MRPS28: variants seen among roughly 807,000 people sequenced by gnomAD.
MRPS28 encodes mitochondrial ribosomal protein S28, also known as small ribosomal subunit protein bS1m.
In MRPS28, 7 loss-of-function variants were observed where a neutral mutation model predicts 10.8. The ratio of observed to expected loss-of-function variants is 0.65; its 90% CI spans 0.37 to 1.22. The LOEUF (loss-of-function observed/expected upper bound fraction) is 1.22, where lower values mean the gene tolerates loss of function less well. Among genes scored for constraint, MRPS28 ranks in the 50% most tolerant of loss-of-function variants. MRPS28 has a pLI of 0.02. For missense variants in MRPS28, 265 were observed against 232.9 expected (o/e 1.14, Z -0.90); for synonymous variants, 121 against 93.3 (o/e 1.30, Z -1.71).
chr8:80,014,054 A>G (rs1445887693), intron 1 of MRPS28, among the ~76,000 whole-genome samples: 2 of 152,184 alleles, frequency 1.3e-5, no homozygotes, highest in Non-Finnish European at 2.9e-5. Context: ...GAAGAGTGAT[A>G]ATTAATGAAG....
At chr8:80,011,781 C>T (rs1342590517) in intron 1 of MRPS28, among the ~76,000 whole-genome samples, 2 of 151,816 alleles carry the variant, frequency 1.3e-5, no homozygotes, top group African/African-American at 4.8e-5. Context: ...AAACAAAAAA[C>T]AAAACAAAAC....
At chr8:79,981,714 T>C (rs1214402296) in intron 2 of MRPS28, among the ~76,000 whole-genome samples, 1 of 152,208 alleles carries the variant, frequency 6.6e-6, no homozygotes, top group Non-Finnish European at 1.5e-5. Flanking sequence ...GAAAGAGGTA[T>C]AGCATAACAA....
chr8:79,947,120 AAC>A (rs1473967657), intron 2 of MRPS28, among the ~76,000 whole-genome samples: 1 of 152,210 alleles, frequency 6.6e-6, no homozygotes, highest in East Asian at 1.9e-4. Context: ...ACAAAAATCC[AAC>A]AGTCTTTATA....
chr8:80,018,217 C>T (rs114758759), intron 1 of MRPS28, among the ~76,000 whole-genome samples: 2,464 of 134,144 alleles, frequency 0.018, 67 homozygotes, highest in African/African-American at 0.066. Flanking sequence ...GGCATGAACC[C>T]GGAAGGAGGC....
intron 1 of MRPS28, among the ~76,000 whole-genome samples, chr8:80,011,557 C>A (rs1182103793): frequency 6.6e-6 from 1 of 152,008 alleles, no homozygotes; most frequent in Non-Finnish European, 1.5e-5. Context: ...AGTTCAAGAC[C>A]AGCCTGGCCA....
chr8:79,926,864 C>G (rs1810246568), intron 2 of MRPS28, among the ~76,000 whole-genome samples: 1 of 152,166 alleles, frequency 6.6e-6, no homozygotes. Context: ...CAACCCAGAC[C>G]TGCTGCAGCA....
At chr8:80,005,128 A>G (rs1808794275) in intron 1 of MRPS28, among the ~76,000 whole-genome samples, 2 of 152,174 alleles carry the variant, frequency 1.3e-5, no homozygotes. Flanking sequence ...TTCAGGAAAT[A>G]CAGAGAACGC....
intron 2 of MRPS28, among the ~76,000 whole-genome samples, chr8:79,991,942 CTCTCTCTCTCTCTCTCTCA>C (rs1386869240): frequency 2.6e-5 from 2 of 78,394 alleles, no homozygotes; most frequent in Non-Finnish European, 3.4e-5. Flanking sequence ...CTCTCTCTCT[CTCTCTCTCTCTCTCTCTCA>C]TCACTTACTA....
chr8:80,006,393 C>A (rs1384571739), intron 1 of MRPS28, among the ~76,000 whole-genome samples: 2 of 151,776 alleles, frequency 1.3e-5, no homozygotes, highest in East Asian at 3.9e-4. Context: ...GGGTACATAA[C>A]AAAATGAACG....
intron 2 of MRPS28, among the ~76,000 whole-genome samples, chr8:79,959,573 T>C (rs1335964399): frequency 6.6e-6 from 1 of 152,122 alleles, no homozygotes; most frequent in African/African-American, 2.4e-5. Context: ...GTTTCCCTTA[T>C]CTGAAATATA....
At chr8:79,963,478 T>C (rs766783763) in intron 2 of MRPS28, among the ~76,000 whole-genome samples, 14 of 152,050 alleles carry the variant, frequency 9.2e-5, no homozygotes, top group Non-Finnish European at 1.5e-4. Context: ...TTAGATTTAA[T>C]AGGTTAGATG....
chr8:80,015,849 G>T (rs558501567), intron 1 of MRPS28, among the ~76,000 whole-genome samples: 3 of 151,588 alleles, frequency 2.0e-5, no homozygotes, highest in Non-Finnish European at 4.4e-5. Context: ...TTTTAAATAA[G>T]AATCAAAAAG....
intron 2 of MRPS28, among the ~76,000 whole-genome samples, chr8:79,948,650 T>C (rs1806994189): frequency 1.3e-5 from 2 of 152,226 alleles, no homozygotes; most frequent in South Asian, 4.1e-4. Flanking sequence ...TCTCTTCTAT[T>C]CCTAGTTTGC....
intron 2 of MRPS28, among the ~76,000 whole-genome samples, chr8:79,991,955 TCTCTC>T (rs1808377947): frequency 9.5e-6 from 1 of 104,882 alleles, no homozygotes; most frequent in Admixed American, 1.0e-4. Flanking sequence ...TCTCTCTCTC[TCTCTC>T]ATCACTTACT....
intron 2 of MRPS28, chr8:79,956,437 T>C (rs1016244566): frequency 4.6e-5 from 7 of 152,178 alleles, no homozygotes; most frequent in African/African-American, 1.7e-4. Context: ...AAATATTTAG[T>C]AATTTAAAGA....
chr8:79,930,556 C>G (rs1450489923), intron 2 of MRPS28, among the ~76,000 whole-genome samples: 1 of 152,206 alleles, frequency 6.6e-6, no homozygotes, highest in Admixed American at 6.5e-5. Context: ...GCCATATGTG[C>G]TCCTTAACCT....
intron 2 of MRPS28, among the ~76,000 whole-genome samples, chr8:79,981,495 T>C (rs1807952020): frequency 6.6e-6 from 1 of 152,232 alleles, no homozygotes; most frequent in Non-Finnish European, 1.5e-5. Context: ...TTTAAAGAGT[T>C]TGTGTTTAGC....
chr8:80,011,117 T>C (rs1809030425), intron 1 of MRPS28, among the ~76,000 whole-genome samples: 2 of 149,120 alleles, frequency 1.3e-5, no homozygotes, highest in African/African-American at 2.5e-5. Context: ...TAAGCCATTC[T>C]TTTTTTTTTA....
intron 2 of MRPS28, among the ~76,000 whole-genome samples, chr8:79,982,403 A>C (rs1807986228): frequency 6.6e-6 from 1 of 152,216 alleles, no homozygotes; most frequent in South Asian, 2.1e-4. Flanking sequence ...GGAGTGCCAG[A>C]CAGTGGGCGC....
Sources: gnomAD v4.1 joint callset for allele counts (sites outside exome capture counted in the v4.1 genomes callset) on GRCh38, gnomAD v4.1.1 for gene constraint, MANE v1.5 for transcripts, NCBI Gene and HGNC (gene_info 2026-07-23, HGNC 2026-07-21) for gene names.